Variants in ARHGAP44 observed in about 807,000 individuals in gnomAD.
ARHGAP44 encodes Rho GTPase activating protein 44.
Under a neutral mutation model 106.8 loss-of-function variants are expected in ARHGAP44, and 43 were observed. That is an observed-to-expected ratio of 0.40 (90% CI 0.32 to 0.52). ARHGAP44 has a LOEUF of 0.52. Ranked by LOEUF, ARHGAP44 falls within the 20% of genes least tolerant of loss-of-function variation. The pLI is 0.48. For missense variants in ARHGAP44, 866 were observed against 1,050.5 expected, an observed-to-expected ratio of 0.82 and a Z score of 2.43; for synonymous variants, 439 against 410.3, an observed-to-expected ratio of 1.07 and a Z score of -0.85.
chr17:12,802,724 C>T (rs1437991475), intron 1 of ARHGAP44, among the ~76,000 whole-genome samples: 3 of 146,946 alleles, frequency 2.0e-5, no homozygotes, highest in African/African-American at 5.0e-5. Context: ...TGTTTCCTGG[C>T]ATTCAAAGTA....
intron 16 of ARHGAP44, 127 bp from the exon 17 acceptor site, chr17:12,973,175 C>A: frequency 1.1e-6 from 1 of 900,682 alleles, no homozygotes; most frequent in Non-Finnish European, 1.7e-6. Context: ...AATTTTATAG[C>A]ACAATAAAAA....
chr17:12,795,574 A>G (rs925940738), intron 1 of ARHGAP44, among the ~76,000 whole-genome samples: 3 of 149,832 alleles, frequency 2.0e-5, no homozygotes, highest in East Asian at 1.9e-4. Context: ...TTTTTTCTCT[A>G]GAGAAAGTGG....
intron 1 of ARHGAP44, among the ~76,000 whole-genome samples, chr17:12,806,108 T>G (rs1161762344): frequency 2.0e-5 from 3 of 152,194 alleles, no homozygotes; most frequent in Non-Finnish European, 4.4e-5. Flanking sequence ...TGCTGTGTTC[T>G]AAGTCCTCTG....
chr17:12,963,086 C>T (rs1220651708), intron 16 of ARHGAP44, among the ~76,000 whole-genome samples: 1 of 143,632 alleles, frequency 7.0e-6, no homozygotes, highest in East Asian at 2.1e-4. Flanking sequence ...TTCTGTTGTT[C>T]ACCAACCTTG....
chr17:12,794,946 C>A (rs1437062753), intron 1 of ARHGAP44, among the ~76,000 whole-genome samples: 2 of 152,164 alleles, frequency 1.3e-5, no homozygotes, highest in Non-Finnish European at 2.9e-5. Flanking sequence ...GAGACATTGC[C>A]CTGCCTTGTA....
At chr17:12,828,876 C>T (rs776289644) in intron 1 of ARHGAP44, among the ~76,000 whole-genome samples, 1 of 151,748 alleles carries the variant, frequency 6.6e-6, no homozygotes, top group Non-Finnish European at 1.5e-5. Context: ...CTCCTGACCT[C>T]GTGATCCGCC....
At chr17:12,952,183 G>A (rs1021661576) in intron 12 of ARHGAP44, among the ~76,000 whole-genome samples, 1 of 152,126 alleles carries the variant, frequency 6.6e-6, no homozygotes, top group African/African-American at 2.4e-5. Flanking sequence ...ATAGCCCATG[G>A]GCTGAGCTCC....
At position 12,943,581 on chromosome 17, in the gene ARHGAP44, T is replaced by C; in HGVS notation, c.652-7T>C. On this transcript the variant is annotated splice_region_variant and splice_polypyrimidine_tract_variant and intron_variant, in intron 8 of 20. Transcript: ENST00000379672. Reference sequence around the variant, plus strand: ...CTAAGGGTGATGCTTGCCTTGTGTCTTCTCAGCTAATAGAAGTGCAAGCTG... The same window carrying C: ...CTAAGGGTGATGCTTGCCTTGTGTCCTCTCAGCTAATAGAAGTGCAAGCTG... The C allele has an allele frequency of 6.2e-7, 1 of 1,613,794 alleles. No homozygotes were observed. The highest frequency in any genetic ancestry group is 8.5e-7 in the Non-Finnish European group (1 of 1,179,746).
intron 7 of ARHGAP44, 90 bp from the exon 8 acceptor site, chr17:12,940,965 AG>A: frequency 2.7e-6 from 3 of 1,105,374 alleles, no homozygotes; most frequent in East Asian, 4.8e-5. Context: ...GCAGTGTTTA[AG>A]GCTCTTTCTC....
chr17:12,939,287 G>A (rs779657263), intron 7 of ARHGAP44, among the ~76,000 whole-genome samples: 6 of 151,686 alleles, frequency 4.0e-5, no homozygotes, highest in Non-Finnish European at 7.4e-5. Context: ...CAGTTGTGGC[G>A]CCCCTACTGT....
chr17:12,895,328 A>T (rs190755890), intron 2 of ARHGAP44, among the ~76,000 whole-genome samples: 1 of 152,244 alleles, frequency 6.6e-6, no homozygotes, highest in African/African-American at 2.4e-5. Context: ...GTTTAAAGTC[A>T]TTTCACCACA....
At chr17:12,892,119 G>T (rs1387801749) in intron 1 of ARHGAP44, among the ~76,000 whole-genome samples, 2 of 152,180 alleles carry the variant, frequency 1.3e-5, no homozygotes, top group African/African-American at 4.8e-5. Flanking sequence ...ACTTTCTTTA[G>T]CAATAAGAAG....
chr17:12,911,290 C>G (rs980756686), intron 4 of ARHGAP44, among the ~76,000 whole-genome samples: 1 of 151,938 alleles, frequency 6.6e-6, no homozygotes, highest in Non-Finnish European at 1.5e-5. Context: ...CTGATTTTCT[C>G]TCCTTCCAAA....
At chr17:12,834,088 C>T (rs958279640) in intron 1 of ARHGAP44, among the ~76,000 whole-genome samples, 1 of 152,050 alleles carries the variant, frequency 6.6e-6, no homozygotes, top group African/African-American at 2.4e-5. Context: ...GTTGGAATGC[C>T]CTTGGCCAAG....
At chr17:12,916,392 T>G (rs1483358098) in intron 5 of ARHGAP44, among the ~76,000 whole-genome samples, 1 of 149,016 alleles carries the variant, frequency 6.7e-6, no homozygotes, top group Non-Finnish European at 1.5e-5. Context: ...CAGTTTTATG[T>G]TTTTTTTTTG....
At chr17:12,892,668 G>A (rs969627367) in intron 1 of ARHGAP44, among the ~76,000 whole-genome samples, 1 of 151,488 alleles carries the variant, frequency 6.6e-6, no homozygotes, top group Non-Finnish European at 1.5e-5. Context: ...GGGTTTTTTT[G>A]TTTGTTGATT....
At chr17:12,931,329 C>G (rs2038393490) in intron 7 of ARHGAP44, among the ~76,000 whole-genome samples, 1 of 152,114 alleles carries the variant, frequency 6.6e-6, no homozygotes, top group East Asian at 1.9e-4. Flanking sequence ...GCCTCAGCCT[C>G]CCAAAGTGCT....
At chr17:12,959,370 G>T (rs80008711) in intron 16 of ARHGAP44, among the ~76,000 whole-genome samples, 2 of 152,040 alleles carry the variant, frequency 1.3e-5, no homozygotes, top group South Asian at 2.1e-4. Context: ...CAGCCTGAGC[G>T]TAAAATCCTT....
chr17:12,967,193 G>T (rs1234248019), intron 16 of ARHGAP44, among the ~76,000 whole-genome samples: 1 of 148,320 alleles, frequency 6.7e-6, no homozygotes, highest in Admixed American at 6.7e-5. Context: ...CTGGACACTG[G>T]CCAGGGTTAA....
Sources: gnomAD v4.1 joint callset for allele counts (sites outside exome capture counted in the v4.1 genomes callset) on GRCh38, gnomAD v4.1.1 for gene constraint, MANE v1.5 for transcripts, NCBI Gene and HGNC (gene_info 2026-07-23, HGNC 2026-07-21) for gene names.